Variants in IGSF23 observed in about 807,000 individuals in gnomAD.
IGSF23 encodes immunoglobulin superfamily, member 23.
A neutral mutation model predicts 17.8 loss-of-function variants in IGSF23; 14 were observed. The observed-to-expected ratio is 0.79, with a 90% CI of 0.52 to 1.23. The LOEUF is 1.23. Ranked by LOEUF, IGSF23 falls within the 50% of genes most tolerant of loss-of-function variation. IGSF23 has a pLI of 0.00. For synonymous variants in IGSF23, 85 were observed against 92.5 expected, an observed-to-expected ratio of 0.92 and a Z score of 0.46; for missense variants, 214 against 241.7, an observed-to-expected ratio of 0.89 and a Z score of 0.76.
intron 3 of IGSF23, among the ~76,000 whole-genome samples, chr19:44,628,413 G>A (rs1461189806): frequency 6.6e-6 from 1 of 152,124 alleles, no homozygotes; most frequent in Non-Finnish European, 1.5e-5. Context: ...CCTGGTCGGG[G>A]ACACCATCAA....
At chr19:44,621,669 G>C (rs1376223797) in intron 1 of IGSF23, among the ~76,000 whole-genome samples, 1 of 152,094 alleles carries the variant, frequency 6.6e-6, no homozygotes, top group East Asian at 1.9e-4. Flanking sequence ...TAGGATTGTT[G>C]TGAGGATTAA....
chr19:44,633,188 T>G (rs1255745864), intron 3 of IGSF23, among the ~76,000 whole-genome samples: 2 of 152,234 alleles, frequency 1.3e-5, no homozygotes, highest in African/African-American at 4.8e-5. Context: ...AACAGTCTTT[T>G]AAATCTATGA....
intron 1 of IGSF23, among the ~76,000 whole-genome samples, chr19:44,622,814 C>A (rs1386357392): frequency 6.6e-6 from 1 of 152,130 alleles, no homozygotes; most frequent in Non-Finnish European, 1.5e-5. Flanking sequence ...CATCTCAGGG[C>A]CTTTTACTTG....
At chr19:44,630,384 T>A (rs1972739505) in intron 3 of IGSF23, among the ~76,000 whole-genome samples, 2 of 152,260 alleles carry the variant, frequency 1.3e-5, no homozygotes, top group Non-Finnish European at 2.9e-5. Context: ...TTGTCGTCAT[T>A]TCCCAAGTGA....
At chr19:44,627,373 A>T in intron 2 of IGSF23, 47 bp from the exon 3 acceptor site, 2 of 1,448,636 alleles carry the variant, frequency 1.4e-6, no homozygotes, top group Non-Finnish European at 1.8e-6. Flanking sequence ...GTGCACAGGG[A>T]GGGCGGGCAG....
chr19:44,622,238 GT>G (rs1382213778), intron 1 of IGSF23, among the ~76,000 whole-genome samples: 1 of 151,742 alleles, frequency 6.6e-6, no homozygotes, highest in East Asian at 1.9e-4. Flanking sequence ...CCCAATCCAG[GT>G]GGCTGTTATA....
intron 2 of IGSF23, among the ~76,000 whole-genome samples, chr19:44,624,244 C>A (rs1167903452): frequency 2.0e-5 from 3 of 150,308 alleles, no homozygotes; most frequent in Admixed American, 6.7e-5. Flanking sequence ...CCTCCTCCTT[C>A]TTCTTCCTTC....
intron 1 of IGSF23, among the ~76,000 whole-genome samples, chr19:44,621,306 C>G (rs1467168012): frequency 6.8e-6 from 1 of 146,582 alleles, no homozygotes; most frequent in African/African-American, 2.5e-5. Flanking sequence ...AAAAAATAGC[C>G]CTGTTTGTTT....
At chr19:44,613,896 C>G (rs1019555600) in intron 1 of IGSF23, 126 bp downstream of exon 1, 1 of 1,548,632 alleles carries the variant, frequency 6.5e-7, no homozygotes. Flanking sequence ...ATGAGGAGAC[C>G]TTCTCTGCAC....
At chr19:44,618,644 C>T (rs1972442778) in intron 1 of IGSF23, among the ~76,000 whole-genome samples, 1 of 152,294 alleles carries the variant, frequency 6.6e-6, no homozygotes, top group Non-Finnish European at 1.5e-5. Context: ...TGTGCCTGGC[C>T]ATGGACCAGC....
chr19:44,621,438 C>T (rs1339359805), intron 1 of IGSF23, among the ~76,000 whole-genome samples: 2 of 151,862 alleles, frequency 1.3e-5, no homozygotes, highest in Non-Finnish European at 2.9e-5. Flanking sequence ...CACTTGAGCC[C>T]GGGAGTTCAA....
At chr19:44,629,046 G>A (rs527516650) in intron 3 of IGSF23, among the ~76,000 whole-genome samples, 15 of 152,288 alleles carry the variant, frequency 9.8e-5, no homozygotes, top group Non-Finnish European at 1.9e-4. Context: ...AGAGTGGTGT[G>A]AAGAATGGGC....
intron 1 of IGSF23, among the ~76,000 whole-genome samples, chr19:44,619,898 G>C (rs904279869): frequency 2.0e-5 from 3 of 152,142 alleles, no homozygotes; most frequent in Admixed American, 6.6e-5. Flanking sequence ...TATATGTTTG[G>C]TGGGGGACTC....
intron 1 of IGSF23, among the ~76,000 whole-genome samples, chr19:44,614,553 G>A (rs573332804): frequency 5.9e-5 from 9 of 152,050 alleles, no homozygotes; most frequent in South Asian, 2.1e-4. Flanking sequence ...CTGCCTCAGC[G>A]TCCTGCGTAG....
chr19:44,614,689 C>T (rs1404480218), intron 1 of IGSF23, among the ~76,000 whole-genome samples: 2 of 152,092 alleles, frequency 1.3e-5, no homozygotes, highest in East Asian at 3.9e-4. Context: ...GCCTCGGCCT[C>T]CCCAAGTGCC....
intron 1 of IGSF23, among the ~76,000 whole-genome samples, chr19:44,615,773 C>T (rs1045794935): frequency 1.3e-5 from 2 of 152,010 alleles, no homozygotes; most frequent in Non-Finnish European, 2.9e-5. Flanking sequence ...TTTGTCAGAG[C>T]TGTTGTCTGA....
At chr19:44,630,011 C>T (rs1351885261) in intron 3 of IGSF23, among the ~76,000 whole-genome samples, 1 of 152,122 alleles carries the variant, frequency 6.6e-6, no homozygotes, top group Non-Finnish European at 1.5e-5. Flanking sequence ...TAGTGATCTG[C>T]CCAGGGCCCA....
intron 1 of IGSF23, among the ~76,000 whole-genome samples, chr19:44,623,196 C>T (rs1972558604): frequency 6.6e-6 from 1 of 152,084 alleles, no homozygotes; most frequent in Non-Finnish European, 1.5e-5. Context: ...TTGGGAGGTG[C>T]AAGGAACTCG....
chr19:44,627,527 G>C lies in IGSF23; in HGVS notation c.499G>C (p.Gly167Arg). The C allele has an allele frequency of 6.4e-7, 1 of 1,550,510 alleles. No individual in the cohort carries two copies. The highest frequency in any genetic ancestry group is 8.7e-7 in the Non-Finnish European group (1 of 1,146,948). ...GLLAAGILGA[G>R]ALIAGMCFII... ...CCTTGCGGCTGGGATCCTGGGAGCC[G>C]GGGCACTGATTGCAGGCATGTGTTT... Residue 167 changes from glycine (G) to arginine (R), a missense_variant, in exon 3 of 5, where the codon GGG (glycine) becomes CGG (arginine). Transcript: ENST00000402988.
Sources: allele counts gnomAD v4.1 joint callset (sites outside exome capture counted in the v4.1 genomes callset), GRCh38; gene constraint gnomAD v4.1.1; transcripts MANE v1.5; gene names NCBI Gene and HGNC (gene_info 2026-07-23, HGNC 2026-07-21).